The following PARM1 variants were observed in gnomAD, a reference collection of about 807,000 sequenced individuals.
PARM1 encodes the protein prostate androgen-regulated mucin-like protein 1.
A neutral mutation model predicts 24.6 loss-of-function variants in PARM1; 14 were observed. That is an observed-to-expected ratio of 0.57 (90% confidence interval 0.38 to 0.89). The LOEUF is 0.89. Ranked by LOEUF, PARM1 falls within the 40% of genes least tolerant of loss-of-function variation. PARM1 has a pLI of 0.00. For missense variants in PARM1, 362 were observed against 380.4 expected (o/e 0.95, Z 0.40); for synonymous variants, 179 against 156.6 (o/e 1.14, Z -1.07).
At chr4:74,964,849 G>T (rs568915124) in intron 1 of PARM1, among the ~76,000 whole-genome samples, 8 of 152,234 alleles carry the variant, frequency 5.3e-5, no homozygotes, top group African/African-American at 1.9e-4. Flanking sequence ...TTTGTTAAGT[G>T]AGTAAATGGA....
intron 1 of PARM1, among the ~76,000 whole-genome samples, chr4:74,989,287 A>G (rs969295431): frequency 6.6e-6 from 1 of 152,152 alleles, no homozygotes; most frequent in African/African-American, 2.4e-5. Flanking sequence ...AATCCCAGGA[A>G]CTAAGTTGCT....
chr4:75,024,196 C>T (rs987034521), intron 2 of PARM1, among the ~76,000 whole-genome samples: 5 of 150,978 alleles, frequency 3.3e-5, no homozygotes, highest in Admixed American at 2.6e-4. Flanking sequence ...GGCGTGAACC[C>T]GGGAGGCGGA....
At chr4:74,997,395 A>C (rs1722594534) in intron 1 of PARM1, among the ~76,000 whole-genome samples, 1 of 152,216 alleles carries the variant, frequency 6.6e-6, no homozygotes, top group African/African-American at 2.4e-5. Flanking sequence ...CCCACTGAAA[A>C]TGAAGTGCTT....
intron 1 of PARM1, among the ~76,000 whole-genome samples, chr4:74,990,821 G>A (rs1722453193): frequency 6.6e-6 from 1 of 152,150 alleles, no homozygotes; most frequent in African/African-American, 2.4e-5. Context: ...AGGCCCTCCA[G>A]TGTTATAAAG....
At chr4:75,045,575 GCTCAGTTGGATGACTTTGGGCA>G (rs1723585263) in intron 3 of PARM1, among the ~76,000 whole-genome samples, 1 of 152,234 alleles carries the variant, frequency 6.6e-6, no homozygotes, top group Non-Finnish European at 1.5e-5. Flanking sequence ...TTGGCTGACA[GCTCAGTTGGATGACTTTGGGCA>G]CTTCAATTAA....
In PARM1 at chr4:74,933,286, C is replaced by T. The variant is rs529404757; in HGVS notation, c.-42C>T. ...GTGCGCTCTGTCAGTCCGCAAACTC[C>T]TTGCCGCCCGCCCCGGGCTGGGCAC... On this transcript the variant is annotated 5_prime_UTR_variant, in exon 1 of 4. Coordinates refer to ENST00000307428, the MANE Select transcript of PARM1 (RefSeq NM_015393.4). 76 of 1,596,656 alleles carry T rather than the reference C, an allele frequency of 4.8e-5. 2 individuals carry two copies. The South Asian group carries it at 8.2e-4, about 17-fold the overall frequency.
intron 1 of PARM1, among the ~76,000 whole-genome samples, chr4:74,949,142 A>T (rs951048688): frequency 6.6e-6 from 1 of 152,234 alleles, no homozygotes; most frequent in Non-Finnish European, 1.5e-5. Flanking sequence ...TTCACTCCAG[A>T]CAAGTGAATG....
At chr4:74,946,304 A>G (rs1421696276) in intron 1 of PARM1, among the ~76,000 whole-genome samples, 2 of 152,126 alleles carry the variant, frequency 1.3e-5, no homozygotes, top group African/African-American at 4.8e-5. Flanking sequence ...CTCTTGCATA[A>G]ATGTAGTCTC....
chr4:74,954,027 C>T (rs772462439), intron 1 of PARM1, among the ~76,000 whole-genome samples: 5 of 152,178 alleles, frequency 3.3e-5, no homozygotes, highest in African/African-American at 7.2e-5. Context: ...AGACATTACA[C>T]GGCACCTGAA....
intron 1 of PARM1, among the ~76,000 whole-genome samples, chr4:74,960,446 G>T (rs759102976): frequency 6.6e-6 from 1 of 152,084 alleles, no homozygotes; most frequent in African/African-American, 2.4e-5. Context: ...AAAACTAACC[G>T]AGAAGACCTT....
chr4:74,992,398 A>G (rs1328237860), intron 1 of PARM1, among the ~76,000 whole-genome samples: 1 of 152,190 alleles, frequency 6.6e-6, no homozygotes, highest in Admixed American at 6.5e-5. Context: ...ACATGTCCTC[A>G]AAGAAAGGGG....
At chr4:74,984,591 G>A (rs1002373763) in intron 1 of PARM1, among the ~76,000 whole-genome samples, 4 of 152,154 alleles carry the variant, frequency 2.6e-5, no homozygotes, top group Admixed American at 1.3e-4. Context: ...ATTTTCGAAC[G>A]TTATTTGGAG....
chr4:74,998,037 G>T (rs1722608456), intron 1 of PARM1, among the ~76,000 whole-genome samples: 1 of 152,190 alleles, frequency 6.6e-6, no homozygotes, highest in African/African-American at 2.4e-5. Flanking sequence ...AATAGCATCT[G>T]TCAGCAATGG....
At chr4:75,011,212 A>T (rs144512469) in intron 1 of PARM1, among the ~76,000 whole-genome samples, 57 of 152,320 alleles carry the variant, frequency 3.7e-4, no homozygotes, top group African/African-American at 1.3e-3. Flanking sequence ...TTTGGAGGGC[A>T]CATCCAAACT....
chr4:74,979,495 T>C (rs564966811), intron 1 of PARM1, among the ~76,000 whole-genome samples: 122 of 152,086 alleles, frequency 8.0e-4, no homozygotes, highest in African/African-American at 2.8e-3. Flanking sequence ...AAAAAGCTCA[T>C]GATCAGACAG....
chr4:75,036,485 AG>A (rs1723375099), intron 3 of PARM1, among the ~76,000 whole-genome samples: 1 of 152,150 alleles, frequency 6.6e-6, no homozygotes, highest in Non-Finnish European at 1.5e-5. Flanking sequence ...TCTACCTTGT[AG>A]TGTTGTTTGG....
At chr4:74,937,956 C>G (rs896065378) in intron 1 of PARM1, among the ~76,000 whole-genome samples, 7 of 152,174 alleles carry the variant, frequency 4.6e-5, no homozygotes, top group Non-Finnish European at 8.8e-5. Context: ...TCACCAAGGA[C>G]TTTATTTCTT....
chr4:75,001,856 T>C (rs1722685850), intron 1 of PARM1, among the ~76,000 whole-genome samples: 1 of 152,206 alleles, frequency 6.6e-6, no homozygotes, highest in Non-Finnish European at 1.5e-5. Context: ...GAGATGTGTT[T>C]GCACTGGAAC....
chr4:74,985,946 T>A (rs1722347675), intron 1 of PARM1, among the ~76,000 whole-genome samples: 1 of 152,102 alleles, frequency 6.6e-6, no homozygotes, highest in Non-Finnish European at 1.5e-5. Flanking sequence ...TTTTTATATT[T>A]TTAGTAGAGA....
Sources: gnomAD v4.1 joint callset for allele counts (sites outside exome capture counted in the v4.1 genomes callset) on GRCh38, gnomAD v4.1.1 for gene constraint, MANE v1.5 for transcripts, NCBI Gene and HGNC (gene_info 2026-07-23, HGNC 2026-07-21) for gene names.